Variants in SPRED2 observed in about 807,000 individuals in gnomAD.
SPRED2 encodes sprouty related EVH1 domain containing 2.
In SPRED2, 47 loss-of-function variants were observed where a neutral mutation model predicts 43.0. That is an observed-to-expected ratio of 1.09 (90% CI 0.87 to 1.40). The LOEUF (loss-of-function observed/expected upper bound fraction) is 1.40. Ranked by LOEUF, SPRED2 falls within the 40% of genes most tolerant of loss-of-function variation. The pLI, the probability that SPRED2 is intolerant of heterozygous loss-of-function variation, is 0.00. For synonymous variants in SPRED2, 225 were observed against 225.7 expected, an observed-to-expected ratio of 1.00 and a Z score of 0.03; for missense variants, 561 against 586.4, an observed-to-expected ratio of 0.96 and a Z score of 0.45.
chr2:65,380,831 C>A (rs1675355470), intron 1 of SPRED2: 1 of 128,736 alleles, frequency 7.8e-6, no homozygotes, highest in Non-Finnish European at 1.6e-5. Context: ...AAGTGTTTGC[C>A]TTAAAACAAC....
At chr2:65,337,055 C>A (rs1248939060) in intron 2 of SPRED2, among the ~76,000 whole-genome samples, 1 of 152,064 alleles carries the variant, frequency 6.6e-6, no homozygotes, top group Non-Finnish European at 1.5e-5. Context: ...TTGCAGTGGG[C>A]CGAGATCGTG....
At chr2:65,327,484 A>G (rs543397877) in intron 4 of SPRED2, among the ~76,000 whole-genome samples, 1 of 152,282 alleles carries the variant, frequency 6.6e-6, no homozygotes, top group Non-Finnish European at 1.5e-5. Context: ...CACTATAGGT[A>G]TTACATGTCG....
intron 4 of SPRED2, among the ~76,000 whole-genome samples, chr2:65,323,996 G>A (rs1673520771): frequency 6.6e-6 from 1 of 151,814 alleles, no homozygotes; most frequent in South Asian, 2.1e-4. Flanking sequence ...CACGGGAAGA[G>A]GCAAGGCCAG....
intron 1 of SPRED2, among the ~76,000 whole-genome samples, chr2:65,352,636 T>C (rs1215425427): frequency 2.0e-5 from 3 of 152,244 alleles, no homozygotes; most frequent in Non-Finnish European, 2.9e-5. Context: ...TGTTGTTTTG[T>C]TTTTGAGACG....
chr2:65,390,477 A>T (rs898701924), intron 1 of SPRED2, among the ~76,000 whole-genome samples: 1 of 152,102 alleles, frequency 6.6e-6, no homozygotes, highest in Admixed American at 6.5e-5. Context: ...CAGCAAGAGG[A>T]GAGGCTGGAG....
chr2:65,323,854 C>T (rs889580274), intron 4 of SPRED2, among the ~76,000 whole-genome samples: 8 of 151,852 alleles, frequency 5.3e-5, no homozygotes, highest in Non-Finnish European at 1.0e-4. Flanking sequence ...CCAGCCTGGG[C>T]GACAGAGCAA....
intron 1 of SPRED2, among the ~76,000 whole-genome samples, chr2:65,376,436 T>C (rs1003791237): frequency 2.6e-5 from 4 of 152,176 alleles, no homozygotes; most frequent in African/African-American, 7.2e-5. Flanking sequence ...TAAAGATAGA[T>C]GCATTTTTCT....
chr2:65,403,965 G>A (rs892154349), intron 1 of SPRED2, among the ~76,000 whole-genome samples: 1 of 152,168 alleles, frequency 6.6e-6, no homozygotes, highest in Non-Finnish European at 1.5e-5. Context: ...AGTACTTTGG[G>A]AGGCCGAGGC....
At chr2:65,327,868 G>T (rs543556194) in intron 4 of SPRED2, among the ~76,000 whole-genome samples, 4 of 151,272 alleles carry the variant, frequency 2.6e-5, no homozygotes, top group South Asian at 2.1e-4. Context: ...GGATTACAGG[G>T]GCCCGCCATC....
Position 65,312,209 on chromosome 2 carries a change from C to G in SPRED2, c.*1292G>C. 1.0e-6 allele frequency: 1 copy of G among 985,764 alleles called. No homozygotes were observed. Among genetic ancestry groups the G allele is most frequent in the Non-Finnish European group, 1.2e-6 (1 of 829,946 alleles). The allele number at this position is 985,764 out of a possible 1,614,324, so 61.1% of individuals were successfully genotyped here. On this transcript the variant is annotated 3_prime_UTR_variant, in exon 6 of 6. Transcript: ENST00000356388. ...GGCAGAACCAGTTGGCTGACCTAAC[C>G]ACCTGTGCACCCAAAGTGGCGAGTC...
At chr2:65,319,018 C>T (rs1673328081) in intron 4 of SPRED2, among the ~76,000 whole-genome samples, 1 of 152,194 alleles carries the variant, frequency 6.6e-6, no homozygotes, top group Non-Finnish European at 1.5e-5. Flanking sequence ...AACAAATAGA[C>T]TTACAAAAGT....
intron 1 of SPRED2, among the ~76,000 whole-genome samples, chr2:65,419,882 C>A (rs1393504112): frequency 5.9e-5 from 9 of 151,960 alleles, no homozygotes; most frequent in African/African-American, 2.2e-4. Context: ...TGGGGAGAGA[C>A]CTTAAGTTTT....
chr2:65,410,334 C>G (rs1238744406), intron 1 of SPRED2, among the ~76,000 whole-genome samples: 1 of 152,234 alleles, frequency 6.6e-6, no homozygotes, highest in East Asian at 1.9e-4. Context: ...CGCTCTCTCT[C>G]TGTCTCTCTC....
chr2:65,365,660 A>G (rs2104327726), intron 1 of SPRED2, among the ~76,000 whole-genome samples: 1 of 152,374 alleles, frequency 6.6e-6, no homozygotes, highest in South Asian at 2.1e-4. Context: ...CATTCTGGAC[A>G]GACAGACCAG....
chr2:65,393,729 T>C (rs1417099899), intron 1 of SPRED2, among the ~76,000 whole-genome samples: 1 of 152,202 alleles, frequency 6.6e-6, no homozygotes, highest in Non-Finnish European at 1.5e-5. Context: ...TCCTGGTCTG[T>C]GGCCCCCTTC....
chr2:65,349,308 CAAA>C (rs59019958), intron 1 of SPRED2, among the ~76,000 whole-genome samples: 65 of 83,696 alleles, frequency 7.8e-4, no homozygotes, highest in African/African-American at 2.3e-3. Flanking sequence ...GACTCTGTCT[CAAA>C]AAAAAAAAAA....
rs1299857849 is a variant in SPRED2 at position 65,422,104 on chromosome 2, A to ACACACACTCTCT, written c.26+9857_26+9858insAGAGAGTGTGTG. ...CACACACACACACACACACACACAC[A>ACACACACTCTCT]CTCTCTCTCTCTCTCTCTCTCTCTC... is the stretch of plus-strand genomic sequence containing the variant. On this transcript the variant is annotated intron_variant, in intron 1 of 5. Coordinates refer to ENST00000356388, the MANE Select transcript of SPRED2 (RefSeq NM_181784.3). Among the ~76,000 whole-genome samples the ACACACACTCTCT allele has an allele frequency of 2.6e-3, 331 of 129,018 alleles. 1 individual carries two copies. The highest frequency in any genetic ancestry group is 4.4e-3 in the Middle Eastern group (1 of 226). 84.6% of individuals were successfully genotyped at this position (129,018 alleles called of 152,430 possible). A position where few individuals can be genotyped will look rare whatever the true frequency, so the allele number is the denominator to read the frequency against.
intron 4 of SPRED2, among the ~76,000 whole-genome samples, chr2:65,331,025 T>C (rs531307621): frequency 6.6e-6 from 1 of 152,170 alleles, no homozygotes; most frequent in East Asian, 1.9e-4. Context: ...GAGGATGAAA[T>C]ATGATTTGCT....
chr2:65,348,587 G>A (rs948469632), intron 1 of SPRED2, among the ~76,000 whole-genome samples: 1 of 152,008 alleles, frequency 6.6e-6, no homozygotes, highest in African/African-American at 2.4e-5. Context: ...CGGATAACCT[G>A]AGGTCAGGAG....
Sources: gnomAD v4.1 joint callset for allele counts (sites outside exome capture counted in the v4.1 genomes callset) on GRCh38, gnomAD v4.1.1 for gene constraint, MANE v1.5 for transcripts, NCBI Gene and HGNC (gene_info 2026-07-23, HGNC 2026-07-21) for gene names.